GASK1A: variants seen among roughly 807,000 people sequenced by gnomAD.
GASK1A encodes golgi associated kinase 1A.
In GASK1A, 40 loss-of-function variants were observed where a neutral mutation model predicts 41.2. The observed-to-expected ratio is 0.97, with a 90% confidence interval of 0.75 to 1.27. GASK1A has a LOEUF of 1.27. Among genes scored for constraint, GASK1A ranks in the 50% most tolerant of loss-of-function variants. The pLI, the probability that GASK1A is intolerant of heterozygous loss-of-function variation, is 0.00. For synonymous variants in GASK1A, 316 were observed against 307.1 expected, an observed-to-expected ratio of 1.03 and a Z score of -0.30; for missense variants, 678 against 745.1, an observed-to-expected ratio of 0.91 and a Z score of 1.05.
intron 1 of GASK1A, among the ~76,000 whole-genome samples, chr3:42,994,623 G>A (rs1414266577): frequency 2.0e-5 from 3 of 152,018 alleles, no homozygotes; most frequent in Non-Finnish European, 4.4e-5. Context: ...TTGTGCCATG[G>A]ACACAGAGAC....
chr3:42,982,518 C>T (rs1260746963), intron 1 of GASK1A, among the ~76,000 whole-genome samples: 1 of 152,122 alleles, frequency 6.6e-6, no homozygotes, highest in African/African-American at 2.4e-5. Flanking sequence ...AGCACGTTTC[C>T]ATGTCTACAT....
At chr3:43,011,380 C>CAAAA (rs55954875) in intron 1 of GASK1A, among the ~76,000 whole-genome samples, 3 of 87,228 alleles carry the variant, frequency 3.4e-5, no homozygotes, top group African/African-American at 1.3e-4. Context: ...GACTCCATCT[C>CAAAA]AAAAAAAAAA....
At chr3:43,008,423 G>A (rs1270463704) in intron 1 of GASK1A, among the ~76,000 whole-genome samples, 1 of 152,194 alleles carries the variant, frequency 6.6e-6, no homozygotes, top group Non-Finnish European at 1.5e-5. Context: ...TGGCTGGAAG[G>A]AGCTCTATGC....
intron 1 of GASK1A, among the ~76,000 whole-genome samples, chr3:43,014,284 T>A (rs1575441635): frequency 6.8e-6 from 1 of 147,586 alleles, no homozygotes; most frequent in East Asian, 2.0e-4. Flanking sequence ...AGAAGGAGTG[T>A]GAAGTCATGG....
At chr3:43,020,952 G>C (rs375696692) in intron 1 of GASK1A, among the ~76,000 whole-genome samples, 12 of 152,250 alleles carry the variant, frequency 7.9e-5, no homozygotes, top group African/African-American at 2.9e-4. Flanking sequence ...TGCAACCATG[G>C]TAAGGTGGGG....
At chr3:43,016,930 G>A (rs2089494455) in intron 1 of GASK1A, among the ~76,000 whole-genome samples, 2 of 148,514 alleles carry the variant, frequency 1.3e-5, no homozygotes, top group South Asian at 4.3e-4. Flanking sequence ...CCCAGGAAGG[G>A]GCTGTGTGAA....
At chr3:43,011,198 A>G (rs56292257) in intron 1 of GASK1A, among the ~76,000 whole-genome samples, 26,874 of 151,940 alleles carry the variant, frequency 0.18, 2,776 homozygotes, top group Non-Finnish European at 0.23. Flanking sequence ...CCTGGCCAAC[A>G]TGGTGAAACC....
chr3:43,018,468 C>T (rs1035957844), intron 1 of GASK1A, among the ~76,000 whole-genome samples: 2 of 152,014 alleles, frequency 1.3e-5, no homozygotes, highest in Non-Finnish European at 2.9e-5. Context: ...GTGGAATAAG[C>T]GGGAGGCATA....
At chr3:43,034,518 A>C (rs1476637535) in intron 2 of GASK1A, among the ~76,000 whole-genome samples, 1 of 152,202 alleles carries the variant, frequency 6.6e-6, no homozygotes, top group Non-Finnish European at 1.5e-5. Context: ...CAAAGACAAA[A>C]AACAGATAAA....
At chr3:43,038,569 T>C (rs2089616346) in intron 2 of GASK1A, among the ~76,000 whole-genome samples, 1 of 147,266 alleles carries the variant, frequency 6.8e-6, no homozygotes, top group African/African-American at 2.5e-5. Context: ...TTAGCAAATA[T>C]GAAATTCTGC....
intron 1 of GASK1A, among the ~76,000 whole-genome samples, chr3:43,018,297 A>G (rs543539652): frequency 1.3e-5 from 2 of 152,308 alleles, no homozygotes; most frequent in Admixed American, 1.3e-4. Context: ...ATATTAGCAC[A>G]TATGTTGTAG....
At chr3:43,049,766 C>T (rs2089679771) in intron 2 of GASK1A, among the ~76,000 whole-genome samples, 1 of 152,118 alleles carries the variant, frequency 6.6e-6, no homozygotes, top group Non-Finnish European at 1.5e-5. Context: ...TTCTTAACAT[C>T]TGGTTTTGTG....
chr3:43,014,843 T>A (rs1448176401), intron 1 of GASK1A, among the ~76,000 whole-genome samples: 1 of 148,380 alleles, frequency 6.7e-6, no homozygotes, highest in African/African-American at 2.5e-5. Flanking sequence ...TGGGAAGTCA[T>A]AGGAAGGGGC....
At chr3:43,037,930 C>A (rs1187667910) in intron 2 of GASK1A, among the ~76,000 whole-genome samples, 1 of 152,128 alleles carries the variant, frequency 6.6e-6, no homozygotes, top group Non-Finnish European at 1.5e-5. Context: ...AAATAAGGAA[C>A]AACCACAGTT....
intron 1 of GASK1A, among the ~76,000 whole-genome samples, chr3:43,014,268 ACG>A (rs1200143998): frequency 2.6e-5 from 4 of 151,912 alleles, no homozygotes; most frequent in South Asian, 2.1e-4. Context: ...GTGAGAAGTC[ACG>A]GGAAGAAGGA....
chr3:43,022,875 C>T (rs1416582882), intron 1 of GASK1A, among the ~76,000 whole-genome samples: 1 of 152,194 alleles, frequency 6.6e-6, no homozygotes, highest in Non-Finnish European at 1.5e-5. Context: ...GGCACATTTA[C>T]ATTGTGAAAT....
At chr3:43,051,626 G>A (rs1381948871) in intron 2 of GASK1A, among the ~76,000 whole-genome samples, 1 of 152,052 alleles carries the variant, frequency 6.6e-6, no homozygotes, top group African/African-American at 2.4e-5. Context: ...AAAGCTTTTT[G>A]GTTAATCTAT....
chr3:42,997,910 T>A (rs1371184794), intron 1 of GASK1A, among the ~76,000 whole-genome samples: 1 of 152,128 alleles, frequency 6.6e-6, no homozygotes, highest in Admixed American at 6.5e-5. Context: ...TGGGGACTTC[T>A]GGGGCTCGGT....
At chr3:43,007,869 A>G (rs2089444579) in intron 1 of GASK1A, among the ~76,000 whole-genome samples, 1 of 152,224 alleles carries the variant, frequency 6.6e-6, no homozygotes, top group African/African-American at 2.4e-5. Context: ...ACCTGATATC[A>G]GTCAGACAGC....
Sources: gnomAD v4.1 joint callset for allele counts (sites outside exome capture counted in the v4.1 genomes callset) on GRCh38, gnomAD v4.1.1 for gene constraint, MANE v1.5 for transcripts, NCBI Gene and HGNC (gene_info 2026-07-23, HGNC 2026-07-21) for gene names.